ZNF407: variants seen among roughly 807,000 people sequenced by gnomAD.
ZNF407 encodes the protein zinc finger protein 407.
Under a neutral mutation model 131.2 loss-of-function variants are expected in ZNF407, and 17 were observed. The ratio of observed to expected loss-of-function variants is 0.13; its 90% confidence interval spans 0.09 to 0.19. ZNF407 has a LOEUF of 0.19. ZNF407 is among the 10% of genes least tolerant of loss of function. ZNF407 has a pLI of 1.00. For missense variants in ZNF407, 2,681 were observed against 2,830.6 expected (o/e 0.95, Z 1.20); for synonymous variants, 1,156 against 1,062.0 (o/e 1.09, Z -1.72).
intron 3 of ZNF407, among the ~76,000 whole-genome samples, chr18:74,663,027 T>C (rs753635728): frequency 6.6e-6 from 1 of 152,184 alleles, no homozygotes; most frequent in Non-Finnish European, 1.5e-5. Context: ...TATATAGATA[T>C]TGAGATACAC....
intron 8 of ZNF407, among the ~76,000 whole-genome samples, chr18:75,040,439 T>G (rs375198817): frequency 6.6e-6 from 1 of 152,194 alleles, no homozygotes; most frequent in Non-Finnish European, 1.5e-5. Flanking sequence ...GGGTGGAAGA[T>G]TCTGTCTTCC....
intron 3 of ZNF407, among the ~76,000 whole-genome samples, chr18:74,759,755 C>T (rs1969049613): frequency 6.8e-6 from 1 of 147,920 alleles, no homozygotes. Context: ...ACCCATAATT[C>T]TCTTATTTTC....
At chr18:74,614,531 A>G (rs576791758) in intron 1 of ZNF407, among the ~76,000 whole-genome samples, 3 of 152,188 alleles carry the variant, frequency 2.0e-5, no homozygotes, top group African/African-American at 7.2e-5. Flanking sequence ...GTAAATTTGC[A>G]TTCAGTGGAT....
At chr18:74,601,533 G>T (rs923679590) in intron 1 of ZNF407, among the ~76,000 whole-genome samples, 3 of 152,186 alleles carry the variant, frequency 2.0e-5, no homozygotes, top group African/African-American at 7.2e-5. Flanking sequence ...CTGGCTCGCG[G>T]TTCTGCAGGC....
intron 8 of ZNF407, among the ~76,000 whole-genome samples, chr18:75,020,302 GTGTGTGTATGTGCA>G (rs1973093360): frequency 8.4e-6 from 1 of 119,502 alleles, no homozygotes; most frequent in Non-Finnish European, 1.7e-5. Context: ...ATGTGTATAT[GTGTGTGTATGTGCA>G]TGTGTGTGTG....
chr18:74,991,693 ATT>A (rs1454460734), intron 8 of ZNF407, among the ~76,000 whole-genome samples: 1 of 152,120 alleles, frequency 6.6e-6, no homozygotes, highest in Non-Finnish European at 1.5e-5. Context: ...CTATGTTCAG[ATT>A]TCTCTAACAT....
chr18:74,621,700 C>T (rs1207649616), intron 1 of ZNF407, among the ~76,000 whole-genome samples: 4 of 152,224 alleles, frequency 2.6e-5, no homozygotes, highest in Non-Finnish European at 1.5e-5. Flanking sequence ...CTCACTTCCA[C>T]TATTTTCTGT....
intron 8 of ZNF407, among the ~76,000 whole-genome samples, chr18:75,025,348 A>T (rs1237012805): frequency 1.3e-5 from 2 of 152,242 alleles, no homozygotes; most frequent in African/African-American, 4.8e-5. Context: ...TTGAGCATTC[A>T]TATATTTTCA....
chr18:74,876,487 T>G (rs1288495568), intron 4 of ZNF407, among the ~76,000 whole-genome samples: 1 of 152,202 alleles, frequency 6.6e-6, no homozygotes, highest in African/African-American at 2.4e-5. Flanking sequence ...AGTTCCTTTA[T>G]TATTAAAGGT....
At chr18:74,763,196 CTTTTTTTTTTTTTTT>C (rs71170316) in intron 3 of ZNF407, among the ~76,000 whole-genome samples, 12 of 17,778 alleles carry the variant, frequency 6.7e-4, no homozygotes, top group African/African-American at 1.5e-3. Flanking sequence ...TTCTTAGGAC[CTTTTTTTTTTTTTTT>C]TTTTTTTTTT....
intron 8 of ZNF407, among the ~76,000 whole-genome samples, chr18:74,966,719 G>C (rs143239732): frequency 0.01 from 1,595 of 152,250 alleles, 30 homozygotes; most frequent in African/African-American, 0.035. Flanking sequence ...TTTTGATAGA[G>C]ATTGCATAGA....
At chr18:74,625,334 ATGTGTG>A (rs72386590) in intron 1 of ZNF407, among the ~76,000 whole-genome samples, 2 of 148,920 alleles carry the variant, frequency 1.3e-5, no homozygotes, top group South Asian at 2.1e-4. Flanking sequence ...CTCTAAGCAA[ATGTGTG>A]TGTGTGTGTG....
chr18:74,891,324 A>G (rs1971382096), intron 7 of ZNF407, among the ~76,000 whole-genome samples: 1 of 152,226 alleles, frequency 6.6e-6, no homozygotes, highest in Non-Finnish European at 1.5e-5. Context: ...CTCGACCCAC[A>G]TGATGGCGTG....
chr18:74,700,451 C>T (rs1024872999), intron 3 of ZNF407, among the ~76,000 whole-genome samples: 1 of 152,194 alleles, frequency 6.6e-6, no homozygotes, highest in Non-Finnish European at 1.5e-5. Flanking sequence ...TGTGATGTCA[C>T]TGCATGGTGA....
chr18:74,657,274 G>A (rs1180321495), intron 3 of ZNF407, among the ~76,000 whole-genome samples: 1 of 151,958 alleles, frequency 6.6e-6, no homozygotes, highest in Non-Finnish European at 1.5e-5. Context: ...ATAGTAGAAG[G>A]AAAATTTTGT....
At chr18:74,939,448 G>A (rs1038382488) in intron 8 of ZNF407, among the ~76,000 whole-genome samples, 6 of 152,250 alleles carry the variant, frequency 3.9e-5, no homozygotes, top group Admixed American at 1.3e-4. Flanking sequence ...TAACATGTAA[G>A]ACAGATAACA....
At chr18:74,893,169 C>G (rs548562002) in intron 7 of ZNF407, among the ~76,000 whole-genome samples, 1 of 152,278 alleles carries the variant, frequency 6.6e-6, no homozygotes, top group African/African-American at 2.4e-5. Context: ...CATGTTATAC[C>G]TCTGTCAGGT....
chr18:74,653,831 GAAATA>G (rs1985333141), intron 3 of ZNF407, among the ~76,000 whole-genome samples: 1 of 151,730 alleles, frequency 6.6e-6, no homozygotes, highest in East Asian at 1.9e-4. Context: ...TATGCTATTT[GAAATA>G]AAATGATGAT....
chr18:74,782,565 C>G (rs1969624963), intron 4 of ZNF407, among the ~76,000 whole-genome samples: 1 of 151,662 alleles, frequency 6.6e-6, no homozygotes, highest in South Asian at 2.1e-4. Context: ...CTCCTCTTCT[C>G]TTCTCTTCTC....
Sources: gnomAD v4.1 joint callset for allele counts (sites outside exome capture counted in the v4.1 genomes callset) on GRCh38, gnomAD v4.1.1 for gene constraint, MANE v1.5 for transcripts, NCBI Gene and HGNC (gene_info 2026-07-23, HGNC 2026-07-21) for gene names.